The following CTNNA2 variants were observed in gnomAD, a reference collection of about 807,000 sequenced individuals.
The protein encoded by CTNNA2 is catenin alpha 2.
In CTNNA2, 42 loss-of-function variants were observed where a neutral mutation model predicts 101.0. The observed-to-expected ratio is 0.42, with a 90% confidence interval of 0.32 to 0.54. CTNNA2 has a LOEUF of 0.54. Ranked by LOEUF, CTNNA2 falls within the 20% of genes least tolerant of loss-of-function variation. The probability of loss-of-function intolerance (pLI) is 0.14; values close to 1 mark genes in which losing one functional copy is unlikely to be tolerated. For missense variants in CTNNA2, 871 were observed against 1,223.1 expected (o/e 0.71, Z 4.29); for synonymous variants, 450 against 456.4 (o/e 0.99, Z 0.18).
chr2:79,523,240 G>A, intron 1 of CTNNA2: 1 of 449,130 alleles, frequency 2.2e-6, no homozygotes, highest in Non-Finnish European at 4.5e-6. Context: ...CCTTCAATAT[G>A]GGCTGTGGCA....
chr2:80,306,034 G>T (rs1213157949), intron 7 of CTNNA2, among the ~76,000 whole-genome samples: 1 of 152,174 alleles, frequency 6.6e-6, no homozygotes, highest in Non-Finnish European at 1.5e-5. Flanking sequence ...TAACTGGATT[G>T]GTCCTTAGCA....
At chr2:80,326,265 G>T (rs1550827) in intron 7 of CTNNA2, among the ~76,000 whole-genome samples, 7,295 of 152,236 alleles carry the variant, frequency 0.048, 238 homozygotes, top group Middle Eastern at 0.075. Flanking sequence ...CTGCCATGCT[G>T]AAATAATAAC....
In CTNNA2 at chr2:80,503,591, A is replaced by G. The variant is rs186565502; in HGVS notation, c.1291-41391A>G. Among the ~76,000 whole-genome samples the G allele has an allele frequency of 3.1e-3, 466 of 152,266 alleles. 1 individual carries two copies. The highest frequency in any genetic ancestry group is 4.8e-3 in the Non-Finnish European group (324 of 68,018). On this transcript the variant is annotated intron_variant, in intron 9 of 18. Transcript: ENST00000402739. ...CTCTTGAAAAACAAACAAACTTTTA[A>G]TGGCTCTTAGAGACCTAATTCAGTG... is the stretch of plus-strand genomic sequence containing the variant.
At chr2:79,406,245 G>A (rs1678340620) in intron 4 of CTNNA2, among the ~76,000 whole-genome samples, 1 of 152,070 alleles carries the variant, frequency 6.6e-6, no homozygotes, top group South Asian at 2.1e-4. Flanking sequence ...GCAGCGGCCT[G>A]AAGTTCAGAG....
At chr2:79,463,217 G>C (rs561360387) in intron 4 of CTNNA2, among the ~76,000 whole-genome samples, 3 of 152,166 alleles carry the variant, frequency 2.0e-5, no homozygotes, top group African/African-American at 4.8e-5. Flanking sequence ...ATTGAAACCA[G>C]CTTGGCCAAC....
At chr2:80,399,277 A>G (rs1485107285) in intron 8 of CTNNA2, among the ~76,000 whole-genome samples, 2 of 152,150 alleles carry the variant, frequency 1.3e-5, no homozygotes, top group African/African-American at 4.8e-5. Flanking sequence ...CACCTGGAAA[A>G]TAGTCATTAG....
chr2:80,009,309 T>C (rs1177778923), intron 7 of CTNNA2, among the ~76,000 whole-genome samples: 1 of 152,182 alleles, frequency 6.6e-6, no homozygotes. Flanking sequence ...TCTGTTTTTC[T>C]CTCCCCCAAC....
chr2:80,614,405 A>T (rs1698686190), intron 17 of CTNNA2, among the ~76,000 whole-genome samples: 2 of 151,488 alleles, frequency 1.3e-5, no homozygotes, highest in Non-Finnish European at 3.0e-5. Context: ...GAGAGGATTT[A>T]AAGTATACAG....
At chr2:80,459,473 A>T (rs1242822854) in intron 9 of CTNNA2, among the ~76,000 whole-genome samples, 3 of 152,200 alleles carry the variant, frequency 2.0e-5, no homozygotes, top group Non-Finnish European at 2.9e-5. Flanking sequence ...ATTCAGCAAG[A>T]AAAGGGCAGT....
intron 9 of CTNNA2, among the ~76,000 whole-genome samples, chr2:80,518,077 G>C (rs946580458): frequency 6.6e-6 from 1 of 152,192 alleles, no homozygotes; most frequent in Non-Finnish European, 1.5e-5. Context: ...TGGAAATGCT[G>C]TCCTTCACTC....
intron 9 of CTNNA2, among the ~76,000 whole-genome samples, chr2:80,485,119 G>T (rs1686467796): frequency 6.6e-6 from 1 of 152,086 alleles, no homozygotes; most frequent in South Asian, 2.1e-4. Flanking sequence ...TTGTTTGTGG[G>T]TGTTTTCCCA....
chr2:79,732,330 C>T (rs979077270), intron 2 of CTNNA2, among the ~76,000 whole-genome samples: 24 of 151,856 alleles, frequency 1.6e-4, no homozygotes, highest in African/African-American at 5.3e-4. Context: ...AAGGACTTGA[C>T]GATTTAAAAT....
intron 7 of CTNNA2, among the ~76,000 whole-genome samples, chr2:80,158,662 T>C (rs60437837): frequency 0.14 from 21,232 of 152,074 alleles, 3,706 homozygotes; most frequent in African/African-American, 0.41. Context: ...GTAATCCCAA[T>C]ACTTTGGGAG....
At chr2:79,277,013 C>A (rs2104319202) in intron 2 of CTNNA2, among the ~76,000 whole-genome samples, 1 of 152,138 alleles carries the variant, frequency 6.6e-6, no homozygotes, top group African/African-American at 2.4e-5. Flanking sequence ...AGAGTAAGAC[C>A]CATCCACCGA....
intron 12 of CTNNA2, among the ~76,000 whole-genome samples, chr2:80,571,055 C>G (rs549576737): frequency 9.9e-5 from 15 of 152,176 alleles, no homozygotes; most frequent in Non-Finnish European, 2.1e-4. Flanking sequence ...TTGCACCAAC[C>G]TAATAGCATG....
intron 13 of CTNNA2, among the ~76,000 whole-genome samples, chr2:80,580,365 T>C (rs1040746859): frequency 2.6e-5 from 4 of 152,190 alleles, no homozygotes; most frequent in African/African-American, 9.6e-5. Context: ...AGGATCTTGA[T>C]CTAACTCTAC....
At chr2:79,689,218 C>G (rs1181921306) in intron 2 of CTNNA2, among the ~76,000 whole-genome samples, 2 of 151,776 alleles carry the variant, frequency 1.3e-5, no homozygotes, top group East Asian at 3.9e-4. Flanking sequence ...GATCTAACCT[C>G]AAAAATCACA....
chr2:79,447,055 G>T (rs1054391901), intron 4 of CTNNA2, among the ~76,000 whole-genome samples: 3 of 152,002 alleles, frequency 2.0e-5, no homozygotes, highest in African/African-American at 7.2e-5. Context: ...GTACTTATAG[G>T]ATCCACTTAT....
At chr2:79,303,957 G>A (rs547394355) in intron 2 of CTNNA2, among the ~76,000 whole-genome samples, 12 of 152,230 alleles carry the variant, frequency 7.9e-5, no homozygotes, top group Admixed American at 1.3e-4. Context: ...ATTTCCCTCA[G>A]GACATTCTAA....
Sources: allele counts gnomAD v4.1 joint callset (sites outside exome capture counted in the v4.1 genomes callset), GRCh38; gene constraint gnomAD v4.1.1; transcripts MANE v1.5; gene names NCBI Gene and HGNC (gene_info 2026-07-23, HGNC 2026-07-21).